Variants in NPAS2 observed in about 807,000 individuals in gnomAD.
NPAS2 encodes the protein neuronal PAS domain-containing protein 2.
Under a neutral mutation model 107.5 loss-of-function variants are expected in NPAS2, and 23 were observed. The observed-to-expected ratio is 0.21, with a 90% CI of 0.15 to 0.30. NPAS2 has a LOEUF of 0.30. Ranked by LOEUF, NPAS2 falls within the 10% of genes least tolerant of loss-of-function variation. The pLI is 1.00. For synonymous variants in NPAS2, 403 were observed against 417.5 expected, an observed-to-expected ratio of 0.97 and a Z score of 0.42; for missense variants, 756 against 1,043.3, an observed-to-expected ratio of 0.72 and a Z score of 3.79.
chr2:100,919,151 A>G (rs1245539229), intron 2 of NPAS2, among the ~76,000 whole-genome samples: 1 of 152,214 alleles, frequency 6.6e-6, no homozygotes, highest in African/African-American at 2.4e-5. Context: ...GTTACATGCT[A>G]TAGGATTATA....
chr2:100,874,313 T>C (rs966413003), intron 1 of NPAS2, among the ~76,000 whole-genome samples: 1 of 152,136 alleles, frequency 6.6e-6, no homozygotes, highest in East Asian at 1.9e-4. Flanking sequence ...ACCCACATGA[T>C]GGAGCAGAAC....
chr2:100,920,299 A>G (rs1014160301), intron 2 of NPAS2, among the ~76,000 whole-genome samples: 1 of 152,180 alleles, frequency 6.6e-6, no homozygotes, highest in African/African-American at 2.4e-5. Context: ...AGGAGAGTAA[A>G]TGTCAAATGT....
intron 7 of NPAS2, among the ~76,000 whole-genome samples, chr2:100,961,463 A>G (rs931510936): frequency 1.1e-4 from 16 of 152,164 alleles, no homozygotes; most frequent in African/African-American, 3.6e-4. Flanking sequence ...TTGGTGGGAA[A>G]GGCATATTGA....
rs995682760 is a variant in NPAS2, at chr2:100,880,850, C to T, written c.-22-23883C>T. Reference sequence around the variant, plus strand: ...AGGAAATGAGTAGAAGCTCCAGGAGCACAGCAGGGAGGAGGGAGAGCAGTA... The same window carrying T: ...AGGAAATGAGTAGAAGCTCCAGGAGTACAGCAGGGAGGAGGGAGAGCAGTA... On this transcript the variant is annotated intron_variant, in intron 1 of 20. Coordinates refer to ENST00000335681, the MANE Select transcript of NPAS2 (RefSeq NM_002518.4). Among the ~76,000 whole-genome samples the T allele has an allele frequency of 9.2e-5, 14 of 152,278 alleles. No homozygotes were observed. The South Asian group carries it at 2.5e-3, about 27-fold the overall frequency.
At chr2:100,958,081 G>A (rs1297218770) in intron 7 of NPAS2, among the ~76,000 whole-genome samples, 3 of 152,204 alleles carry the variant, frequency 2.0e-5, no homozygotes, top group Admixed American at 6.5e-5. Flanking sequence ...CCAGAAAGCA[G>A]TATTTCAAAA....
At position 100,939,009 on chromosome 2, in the gene NPAS2, G is replaced by A. The variant is rs1485055111; in HGVS notation, c.363+1167G>A. Among the ~76,000 whole-genome samples, 32 of 152,088 alleles carry A rather than the reference G, an allele frequency of 2.1e-4. 1 individual carries two copies. Among genetic ancestry groups the A allele is most frequent in the Admixed American group, 1.9e-3 (29 of 15,274 alleles). On this transcript the variant is annotated intron_variant, in intron 5 of 20. Transcript: ENST00000335681. ...GGCCAGGATGATGCTGGAGGACCGC[G>A]GTTCCCTCTCCTTAGCTGCCCCTGC...
intron 1 of NPAS2, among the ~76,000 whole-genome samples, chr2:100,876,597 G>A (rs183475996): frequency 3.9e-4 from 59 of 152,254 alleles, no homozygotes; most frequent in African/African-American, 1.2e-3. Context: ...GTGATTCCCC[G>A]TCAGTGGTGA....
At chr2:100,963,341 G>A (rs934053603) in intron 7 of NPAS2, among the ~76,000 whole-genome samples, 2 of 152,204 alleles carry the variant, frequency 1.3e-5, no homozygotes, top group African/African-American at 2.4e-5. Context: ...AACACTGGCT[G>A]GAGTATTCAA....
chr2:100,974,482 T>C (rs560532864), intron 12 of NPAS2, among the ~76,000 whole-genome samples: 7 of 152,220 alleles, frequency 4.6e-5, no homozygotes, highest in East Asian at 1.9e-4. Flanking sequence ...TTCCCCCTTC[T>C]TGGAAAGTCA....
At chr2:100,990,157 G>C in intron 17 of NPAS2, 99 bp from the exon 18 acceptor site, 2 of 1,045,262 alleles carry the variant, frequency 1.9e-6, no homozygotes, top group Admixed American at 2.0e-5. Context: ...TAGAGGAAAG[G>C]CAAGGGTAGG....
chr2:100,824,844 C>A (rs1349153755), intron 1 of NPAS2, among the ~76,000 whole-genome samples: 1 of 152,144 alleles, frequency 6.6e-6, no homozygotes, highest in African/African-American at 2.4e-5. Context: ...GAAAGTAAAT[C>A]TTGAAAACCA....
chr2:100,982,578 CT>C (rs1194085184), intron 16 of NPAS2: 2 of 611,186 alleles, frequency 3.3e-6, no homozygotes, highest in Admixed American at 6.0e-5. Flanking sequence ...GGCCACACCC[CT>C]GATGTCCTCT....
intron 1 of NPAS2, among the ~76,000 whole-genome samples, chr2:100,831,613 T>C (rs1048801813): frequency 2.0e-5 from 3 of 152,164 alleles, no homozygotes; most frequent in African/African-American, 7.2e-5. Flanking sequence ...GCCTTCTTAA[T>C]GGTCAGAGAG....
At chr2:100,837,555 C>A (rs1036100201) in intron 1 of NPAS2, among the ~76,000 whole-genome samples, 3 of 152,042 alleles carry the variant, frequency 2.0e-5, no homozygotes, top group Non-Finnish European at 4.4e-5. Flanking sequence ...TCAGGTGATC[C>A]ACCCGCCTTG....
chr2:100,940,125 A>C lies in NPAS2; in HGVS notation c.363+2283A>C, dbSNP rs572292317. Among the ~76,000 whole-genome samples, 20 of 152,294 alleles carry C rather than the reference A, an allele frequency of 1.3e-4. No homozygotes were observed. The South Asian group carries it at 4.2e-3, about 32-fold the overall frequency. On this transcript the variant is annotated intron_variant, in intron 5 of 20. Transcript: ENST00000335681. ...TAGGCAAAGGCTGCTGAGGATGGAA[A>C]CTTCCCTGGTGCAATCAGCATACAG...
chr2:100,933,518 T>C (rs1465476367), intron 4 of NPAS2, among the ~76,000 whole-genome samples: 2 of 152,190 alleles, frequency 1.3e-5, no homozygotes, highest in Non-Finnish European at 2.9e-5. Flanking sequence ...TGCCTCCCCA[T>C]CCAGCTCATG....
In NPAS2 at chr2:100,974,807, A is replaced by G. The variant is rs761813234; in HGVS notation, c.1145A>G (p.Lys382Arg). Residue 382 changes from lysine (K) to arginine (R), a missense_variant, in exon 13 of 21, where the codon AAG becomes AGG. This residue lies in a region of NPAS2 where 496 missense variants were observed against 594.4 expected (regional missense o/e 0.83). Coordinates refer to ENST00000335681, the MANE Select transcript of NPAS2 (RefSeq NM_002518.4). ...TGTTTGATGTGTGTGTTTCAGGACA[A>G]GGGCTCAAGCCTGGAACCTCGGCAG... ...EALHSSALKD[K>R]GSSLEPRQHF... 6.2e-7 allele frequency: 1 copy of G among 1,613,786 alleles called. No homozygotes were observed. The highest frequency in any genetic ancestry group is 8.5e-7 in the Non-Finnish European group (1 of 1,179,832).
chr2:100,869,936 G>C (rs906709575), intron 1 of NPAS2, among the ~76,000 whole-genome samples: 1 of 127,196 alleles, frequency 7.9e-6, no homozygotes, highest in South Asian at 2.4e-4. Flanking sequence ...ATGGAGTCTC[G>C]CTCTGTCGCC....
chr2:100,940,215 C>T (rs1674493346), intron 5 of NPAS2, among the ~76,000 whole-genome samples: 1 of 152,128 alleles, frequency 6.6e-6, no homozygotes, highest in Admixed American at 6.5e-5. Flanking sequence ...GGGAGGAAGC[C>T]CCAATGGCCC....
Sources: gnomAD v4.1 joint callset for allele counts (sites outside exome capture counted in the v4.1 genomes callset) on GRCh38, gnomAD v4.1.1 for gene constraint, gnomAD v4.1.1 regional missense constraint, MANE v1.5 for transcripts, NCBI Gene and HGNC (gene_info 2026-07-23, HGNC 2026-07-21) for gene names.